SPSB4: variants seen among roughly 807,000 people sequenced by gnomAD.
The protein encoded by SPSB4 is splA/ryanodine receptor domain and SOCS box containing 4, also known as SPRY domain-containing SOCS box protein 4.
A neutral mutation model predicts 20.9 loss-of-function variants in SPSB4; 21 were observed. The observed-to-expected ratio is 1.01, with a 90% confidence interval of 0.71 to 1.45. The LOEUF (loss-of-function observed/expected upper bound fraction) is 1.45. SPSB4 is among the 40% of genes most tolerant of loss of function. The pLI is 0.00. For synonymous variants in SPSB4, 207 were observed against 183.8 expected, an observed-to-expected ratio of 1.13 and a Z score of -1.02; for missense variants, 399 against 399.2, an observed-to-expected ratio of 1.00 and a Z score of 0.00.
At chr3:141,089,893 A>G (rs1415338674) in intron 2 of SPSB4, among the ~76,000 whole-genome samples, 3 of 152,118 alleles carry the variant, frequency 2.0e-5, no homozygotes, top group African/African-American at 7.2e-5. Context: ...CTGCTTTAGA[A>G]TTGCTTTTTT....
chr3:141,135,173 AAAT>A (rs1407285238), intron 2 of SPSB4, among the ~76,000 whole-genome samples: 2 of 151,980 alleles, frequency 1.3e-5, no homozygotes, highest in Admixed American at 6.6e-5. Context: ...AAGTTGAGTA[AAAT>A]ATAATTGTTG....
At chr3:141,063,242 T>A (rs1053984893) in intron 1 of SPSB4, among the ~76,000 whole-genome samples, 3 of 152,244 alleles carry the variant, frequency 2.0e-5, no homozygotes, top group Non-Finnish European at 2.9e-5. Context: ...TCAAAATTGT[T>A]AAATCACTTT....
At chr3:141,092,227 A>C (rs1938466366) in intron 2 of SPSB4, among the ~76,000 whole-genome samples, 3 of 152,210 alleles carry the variant, frequency 2.0e-5, no homozygotes, top group Non-Finnish European at 4.4e-5. Flanking sequence ...ATGGGAGGGT[A>C]ATCCTTGCTT....
intron 2 of SPSB4, among the ~76,000 whole-genome samples, chr3:141,067,430 T>G (rs1419042835): frequency 6.6e-6 from 1 of 152,178 alleles, no homozygotes; most frequent in Non-Finnish European, 1.5e-5. Context: ...ATCTTGTGAC[T>G]TTTTCCAAGA....
At chr3:141,096,935 TCTCCCTGGCATC>T (rs1480877293) in intron 2 of SPSB4, among the ~76,000 whole-genome samples, 1 of 152,178 alleles carries the variant, frequency 6.6e-6, no homozygotes, top group Non-Finnish European at 1.5e-5. Context: ...CCCATTGCCT[TCTCCCTGGCATC>T]CTGGTCAGCT....
At chr3:141,107,617 G>A (rs563160529) in intron 2 of SPSB4, among the ~76,000 whole-genome samples, 3 of 152,274 alleles carry the variant, frequency 2.0e-5, no homozygotes, top group Admixed American at 6.5e-5. Flanking sequence ...GTAACTATTG[G>A]GACAGCCTTA....
At chr3:141,117,906 T>A (rs1938903608) in intron 2 of SPSB4, among the ~76,000 whole-genome samples, 1 of 152,268 alleles carries the variant, frequency 6.6e-6, no homozygotes, top group Non-Finnish European at 1.5e-5. Flanking sequence ...TCTATCATTG[T>A]TGAACATTTG....
At position 141,060,439 on chromosome 3, in the gene SPSB4, C is replaced by T. The variant is rs528577955; in HGVS notation, c.-153-5513C>T. Among the ~76,000 whole-genome samples, 3 of 152,302 alleles carry T rather than the reference C, an allele frequency of 2.0e-5. No individual in the cohort carries two copies. In the South Asian group the frequency reaches 6.2e-4, roughly 32 times the overall value. On this transcript the variant is annotated intron_variant, in intron 1 of 2. Coordinates refer to ENST00000310546, the MANE Select transcript of SPSB4 (RefSeq NM_080862.3). ...CAACATGGAGGAAGAAGTAAGAGCA[C>T]AGGCTTGTCATATGGTAACTCTGGG... is the stretch of plus-strand genomic sequence containing the variant.
At chr3:141,057,208 C>A (rs550970475) in intron 1 of SPSB4, among the ~76,000 whole-genome samples, 1 of 152,202 alleles carries the variant, frequency 6.6e-6, no homozygotes, top group African/African-American at 2.4e-5. Context: ...CTAATGAATG[C>A]CTATGAACAA....
chr3:141,144,172 C>T (rs2107809346), intron 2 of SPSB4, among the ~76,000 whole-genome samples: 1 of 152,338 alleles, frequency 6.6e-6, no homozygotes, highest in East Asian at 1.9e-4. Context: ...CTCCAGACTT[C>T]AGTCCCAGGC....
At chr3:141,083,933 G>A (rs1938290730) in intron 2 of SPSB4, among the ~76,000 whole-genome samples, 2 of 152,118 alleles carry the variant, frequency 1.3e-5, no homozygotes, top group Admixed American at 1.3e-4. Context: ...CTGCAGGGTA[G>A]AGGGGAAAGA....
chr3:141,061,191 T>A (rs73868979), intron 1 of SPSB4, among the ~76,000 whole-genome samples: 228 of 152,230 alleles, frequency 1.5e-3, no homozygotes, highest in African/African-American at 5.3e-3. Flanking sequence ...TATGTGAAAA[T>A]GCAAATTACA....
intron 2 of SPSB4, among the ~76,000 whole-genome samples, chr3:141,076,680 G>GAGTCCAGGCCT (rs1938116734): frequency 6.6e-6 from 1 of 152,160 alleles, no homozygotes; most frequent in South Asian, 2.1e-4. Flanking sequence ...TCCCGAACTT[G>GAGTCCAGGCCT]AGTCCAGGCC....
intron 2 of SPSB4, among the ~76,000 whole-genome samples, chr3:141,073,799 T>C (rs16851043): frequency 0.13 from 19,469 of 152,186 alleles, 4,009 homozygotes; most frequent in African/African-American, 0.44. Context: ...TGACCCTTTT[T>C]CCATCTCTCA....
intron 2 of SPSB4, among the ~76,000 whole-genome samples, chr3:141,099,889 A>C (rs919466892): frequency 1.3e-5 from 2 of 152,194 alleles, no homozygotes; most frequent in Non-Finnish European, 2.9e-5. Context: ...TCCATTAGGG[A>C]CTGTTATAAA....
intron 2 of SPSB4, among the ~76,000 whole-genome samples, chr3:141,076,578 C>T (rs1250199994): frequency 1.3e-5 from 2 of 152,194 alleles, no homozygotes; most frequent in Non-Finnish European, 2.9e-5. Context: ...TTAATCTCCA[C>T]GGGTGAGGAG....
chr3:141,108,346 G>A (rs751230451), intron 2 of SPSB4, among the ~76,000 whole-genome samples: 26 of 152,318 alleles, frequency 1.7e-4, no homozygotes, highest in African/African-American at 5.3e-4. Flanking sequence ...GTGCTGCTGG[G>A]CGCATGTACT....
chr3:141,078,043 G>A (rs1338814586), intron 2 of SPSB4, among the ~76,000 whole-genome samples: 1 of 152,210 alleles, frequency 6.6e-6, no homozygotes, highest in Non-Finnish European at 1.5e-5. Context: ...ACTTTATAAT[G>A]TGCAAGCTGG....
At chr3:141,083,857 C>T (rs1265487105) in intron 2 of SPSB4, among the ~76,000 whole-genome samples, 1 of 152,052 alleles carries the variant, frequency 6.6e-6, no homozygotes, top group Non-Finnish European at 1.5e-5. Context: ...TTTTCTGAGA[C>T]TCCTCGTTTG....
Sources: allele counts gnomAD v4.1 joint callset (sites outside exome capture counted in the v4.1 genomes callset), GRCh38; gene constraint gnomAD v4.1.1; transcripts MANE v1.5; gene names NCBI Gene and HGNC (gene_info 2026-07-23, HGNC 2026-07-21).